Variants in KALRN observed in about 807,000 individuals in gnomAD.
The protein encoded by KALRN is kalirin.
KALRN carries 70 observed loss-of-function variants against 353.7 expected under a neutral mutation model. That is an observed-to-expected ratio of 0.20 (90% CI 0.16 to 0.24). The LOEUF (loss-of-function observed/expected upper bound fraction) is 0.24, where lower values mean the gene tolerates loss of function less well. Ranked by LOEUF, KALRN falls within the 10% of genes least tolerant of loss-of-function variation. The pLI is 1.00. For missense variants in KALRN, 2,791 were observed against 3,756.7 expected (o/e 0.74, Z 6.72); for synonymous variants, 1,391 against 1,434.8 (o/e 0.97, Z 0.69).
At chr3:124,406,825 T>C (rs2091593371) in intron 13 of KALRN, among the ~76,000 whole-genome samples, 1 of 109,902 alleles carries the variant, frequency 9.1e-6, no homozygotes, top group African/African-American at 3.3e-5. Context: ...TTAAGCAAGT[T>C]GCTTTGCTTT....
intron 33 of KALRN, among the ~76,000 whole-genome samples, chr3:124,516,686 T>G (rs1022071541): frequency 4.0e-5 from 6 of 150,094 alleles, no homozygotes; most frequent in African/African-American, 1.2e-4. Context: ...ATGGTGTGTG[T>G]GGGGGTGTCT....
intron 51 of KALRN, among the ~76,000 whole-genome samples, chr3:124,692,393 G>A (rs900907913): frequency 6.6e-6 from 1 of 152,216 alleles, no homozygotes; most frequent in South Asian, 2.1e-4. Context: ...CGCAAAGAAG[G>A]AAATAATGTC....
At chr3:124,473,196 C>T (rs561520811) in intron 25 of KALRN, among the ~76,000 whole-genome samples, 5 of 152,328 alleles carry the variant, frequency 3.3e-5, no homozygotes, top group South Asian at 2.1e-4. Flanking sequence ...TCCATAACCA[C>T]TTGTAATTAA....
chr3:124,705,453 A>G (rs943813797), intron 57 of KALRN, among the ~76,000 whole-genome samples: 1 of 152,168 alleles, frequency 6.6e-6, no homozygotes, highest in Non-Finnish European at 1.5e-5. Context: ...GACCTGAGTG[A>G]GTCAGTCAGT....
chr3:124,258,968 CTG>C (rs1184154891), intron 3 of KALRN, among the ~76,000 whole-genome samples: 5 of 152,150 alleles, frequency 3.3e-5, no homozygotes, highest in African/African-American at 9.7e-5. Flanking sequence ...ATTCATAACA[CTG>C]TAATAAAAAT....
At chr3:124,201,923 C>T (rs575084784) in intron 1 of KALRN, among the ~76,000 whole-genome samples, 11 of 152,334 alleles carry the variant, frequency 7.2e-5, no homozygotes, top group South Asian at 2.1e-4. Context: ...CTGCTGAAAA[C>T]GAGGCTCATG....
chr3:124,283,703 A>AT (rs1478536040), intron 5 of KALRN, among the ~76,000 whole-genome samples: 1 of 152,162 alleles, frequency 6.6e-6, no homozygotes, highest in Non-Finnish European at 1.5e-5. Context: ...ACTTGGTGAG[A>AT]TTTTTTATTA....
intron 36 of KALRN, among the ~76,000 whole-genome samples, chr3:124,634,905 C>A (rs777508103): frequency 4.6e-5 from 7 of 152,168 alleles, no homozygotes; most frequent in Non-Finnish European, 8.8e-5. Context: ...AGTGGGACAG[C>A]CTCCTGCGGG....
At chr3:124,351,051 A>G (rs2082782935) in intron 10 of KALRN, among the ~76,000 whole-genome samples, 1 of 152,194 alleles carries the variant, frequency 6.6e-6, no homozygotes, top group South Asian at 2.1e-4. Flanking sequence ...GACTGTCAGT[A>G]GCAGCCTGTC....
At chr3:124,057,924 A>G (rs2074268354) in intron 1 of KALRN, among the ~76,000 whole-genome samples, 1 of 152,236 alleles carries the variant, frequency 6.6e-6, no homozygotes, top group Admixed American at 6.5e-5. Flanking sequence ...GCTGATAAAG[A>G]CATACCCAAG....
intron 1 of KALRN, among the ~76,000 whole-genome samples, chr3:124,186,523 G>A (rs943257983): frequency 3.9e-5 from 6 of 152,164 alleles, no homozygotes; most frequent in Admixed American, 3.3e-4. Flanking sequence ...TGCCTTTTAT[G>A]GTAAGTTCCA....
At chr3:124,313,839 A>G (rs76174075) in intron 6 of KALRN, among the ~76,000 whole-genome samples, 2,383 of 152,288 alleles carry the variant, frequency 0.016, 55 homozygotes, top group African/African-American at 0.054. Context: ...CCTGAGGTCA[A>G]ACTCTAAAGT....
At chr3:124,198,083 C>T (rs545179805) in intron 1 of KALRN, among the ~76,000 whole-genome samples, 22 of 152,330 alleles carry the variant, frequency 1.4e-4, no homozygotes, top group Middle Eastern at 3.4e-3. Context: ...GGTATTACTT[C>T]TCTTTTTAGC....
intron 32 of KALRN, among the ~76,000 whole-genome samples, chr3:124,493,523 C>T (rs373122947): frequency 7.2e-5 from 11 of 152,154 alleles, no homozygotes; most frequent in African/African-American, 2.4e-4. Flanking sequence ...TACAATGACT[C>T]TTTTGGGGGA....
chr3:124,108,623 C>A (rs1236242831), intron 1 of KALRN, among the ~76,000 whole-genome samples: 1 of 152,168 alleles, frequency 6.6e-6, no homozygotes, highest in African/African-American at 2.4e-5. Flanking sequence ...TGTTTACTTC[C>A]TTCCATTGTT....
intron 28 of KALRN, among the ~76,000 whole-genome samples, chr3:124,484,500 G>A (rs2062334933): frequency 2.0e-5 from 3 of 152,222 alleles, no homozygotes; most frequent in African/African-American, 7.2e-5. Context: ...ACTAGTGTGA[G>A]AAAAGAGTGT....
chr3:124,050,785 T>G (rs900218898), intron 1 of KALRN, among the ~76,000 whole-genome samples: 1 of 152,168 alleles, frequency 6.6e-6, no homozygotes, highest in African/African-American at 2.4e-5. Context: ...CCACCCAGGC[T>G]GTATCTTAAT....
At chr3:124,446,409 A>T (rs1233372920) in intron 20 of KALRN, 133 bp downstream of exon 20, 3 of 662,364 alleles carry the variant, frequency 4.5e-6, no homozygotes, top group Non-Finnish European at 7.8e-6. Context: ...GAAAGAAAGC[A>T]GGTTGTCACC....
intron 23 of KALRN, among the ~76,000 whole-genome samples, chr3:124,461,558 C>A (rs376807836): frequency 2.6e-5 from 4 of 152,120 alleles, no homozygotes; most frequent in African/African-American, 9.7e-5. Context: ...AGAATATGAA[C>A]AGTCCTACAT....
Sources: allele counts gnomAD v4.1 joint callset (sites outside exome capture counted in the v4.1 genomes callset), GRCh38; gene constraint gnomAD v4.1.1; transcripts MANE v1.5; gene names NCBI Gene and HGNC (gene_info 2026-07-23, HGNC 2026-07-21).